SSU72L6: variants seen among roughly 807,000 people sequenced by gnomAD.
The protein encoded by SSU72L6 is SSU72 like 6, also known as RNA polymerase II subunit A C-terminal domain phosphatase SSU72 like protein 6.
At chr7:124,476,884 C>G in the SSU72L6 span, 3 of 764,896 alleles carry the variant, frequency 3.9e-6, no homozygotes, top group Non-Finnish European at 7.2e-6. Context: ...GGAAGACAGT[C>G]TGGAGGAGCT....
the SSU72L6 span, chr7:124,476,937 C>G: frequency 1.3e-6 from 1 of 758,376 alleles, no homozygotes; most frequent in South Asian, 1.4e-5. Flanking sequence ...GCTTTCTTCA[C>G]ACCGTCTGCT....
At chr7:124,476,719 G>A in the SSU72L6 span, 1 of 780,676 alleles carries the variant, frequency 1.3e-6, no homozygotes, top group Non-Finnish European at 2.4e-6. Flanking sequence ...GCGTGTCTAT[G>A]ACACAGTGGT....
the SSU72L6 span, chr7:124,476,329 G>A: frequency 1.4e-6 from 1 of 728,458 alleles, no homozygotes. Context: ...CCCTGCAGCA[G>A]CTGAGGTGCC....
chr7:124,476,606 A>G, the SSU72L6 span: 72 of 780,698 alleles, frequency 9.2e-5, no homozygotes, highest in African/African-American at 8.6e-4. Flanking sequence ...TACACCCACA[A>G]TGGAATCTTA....
At chr7:124,476,622 C>T in the SSU72L6 span, 13 of 780,572 alleles carry the variant, frequency 1.7e-5, no homozygotes, top group Non-Finnish European at 2.9e-5. Flanking sequence ...TCTTACACAT[C>T]TTGGGAAGAA....
chr7:124,476,757 G>A, the SSU72L6 span: 1 of 780,562 alleles, frequency 1.3e-6, no homozygotes. Flanking sequence ...GAGAACAGCA[G>A]ACCTTTCAGC....
At chr7:124,477,642 TAAATA>T in the SSU72L6 span, among the ~76,000 whole-genome samples, 1 of 129,522 alleles carries the variant, frequency 7.7e-6, no homozygotes, top group East Asian at 3.4e-4. Context: ...ATAAAAAATT[TAAATA>T]AAAAAAAAAA....
At chr7:124,477,097 C>G in the SSU72L6 span, 1 of 591,362 alleles carries the variant, frequency 1.7e-6, no homozygotes, top group Non-Finnish European at 3.0e-6. Context: ...TGGAAAGAGA[C>G]TATTACCAAG....
chr7:124,476,560 A>T, the SSU72L6 span: 3 of 780,566 alleles, frequency 3.8e-6, no homozygotes, highest in African/African-American at 1.7e-5. Context: ...ATATAAGGAG[A>T]TGTACAATGA....
the SSU72L6 span, among the ~76,000 whole-genome samples, chr7:124,477,645 A>AT: frequency 2.8e-4 from 36 of 128,720 alleles, no homozygotes; most frequent in Middle Eastern, 3.8e-3. Context: ...AAAAATTTAA[A>AT]TAAAAAAAAA....
the SSU72L6 span, among the ~76,000 whole-genome samples, chr7:124,477,428 T>C: frequency 6.6e-6 from 1 of 151,268 alleles, no homozygotes; most frequent in African/African-American, 2.4e-5. Context: ...ACCAATGGAG[T>C]GTGGTATATT....
At chr7:124,477,563 T>A in the SSU72L6 span, among the ~76,000 whole-genome samples, 1 of 151,234 alleles carries the variant, frequency 6.6e-6, no homozygotes, top group African/African-American at 2.4e-5. Flanking sequence ...CCAAGTTGGA[T>A]AATGAACTAC....
At chr7:124,477,313 C>T in the SSU72L6 span, among the ~76,000 whole-genome samples, 1 of 152,008 alleles carries the variant, frequency 6.6e-6, no homozygotes, top group Non-Finnish European at 1.5e-5. Flanking sequence ...TAAGGGTATT[C>T]AGCAGATAAA....
chr7:124,476,352 G>A, the SSU72L6 span: 41 of 761,258 alleles, frequency 5.4e-5, no homozygotes, highest in African/African-American at 6.1e-4. Context: ...TGTCTCTCTT[G>A]TTCCCAGTGG....
chr7:124,477,258 T>G, the SSU72L6 span, among the ~76,000 whole-genome samples: 1 of 152,204 alleles, frequency 6.6e-6, no homozygotes, highest in Admixed American at 6.5e-5. Context: ...ATTTTCCGGA[T>G]GAGCAAATGG....
chr7:124,476,650 G>A, the SSU72L6 span: 1 of 780,684 alleles, frequency 1.3e-6, no homozygotes, highest in Admixed American at 1.7e-5. Flanking sequence ...AATCAAGCCT[G>A]GCCCAGAAAG....
the SSU72L6 span, chr7:124,476,368 A>G: frequency 2.6e-6 from 2 of 773,110 alleles, no homozygotes; most frequent in Non-Finnish European, 4.8e-6. Flanking sequence ...AGTGGCCACC[A>G]TCATGCTCTC....
At chr7:124,476,360 T>C in the SSU72L6 span, 2 of 766,794 alleles carry the variant, frequency 2.6e-6, no homozygotes, top group East Asian at 4.9e-5. Context: ...TTGTTCCCAG[T>C]GGCCACCATC....
the SSU72L6 span, chr7:124,476,982 C>G: frequency 1.4e-6 from 1 of 703,294 alleles, no homozygotes; most frequent in East Asian, 2.6e-5. Context: ...TGTCTCCTTC[C>G]TCGGTAAGAA....
Sources: gnomAD v4.1 joint callset for allele counts (sites outside exome capture counted in the v4.1 genomes callset) on GRCh38, gnomAD v4.1.1 for gene constraint, MANE v1.5 for transcripts, NCBI Gene and HGNC (gene_info 2026-07-23, HGNC 2026-07-21) for gene names.